ZNHIT6: variants seen among roughly 807,000 people sequenced by gnomAD.
ZNHIT6 encodes zinc finger HIT-type containing 6, also known as box C/D snoRNA protein 1.
Under a neutral mutation model 57.2 loss-of-function variants are expected in ZNHIT6, and 45 were observed. That is an observed-to-expected ratio of 0.79 (90% CI 0.62 to 1.01). The LOEUF is 1.01. Among genes scored for constraint, ZNHIT6 ranks in the 50% least tolerant of loss-of-function variants. The pLI is 0.00. For missense variants in ZNHIT6, 528 were observed against 567.3 expected, an observed-to-expected ratio of 0.93 and a Z score of 0.70; for synonymous variants, 188 against 190.0, an observed-to-expected ratio of 0.99 and a Z score of 0.09.
At chr1:85,702,282 A>C (rs375237942) in intron 4 of ZNHIT6, 22 bp from the exon 5 acceptor site, 4 of 1,377,408 alleles carry the variant, frequency 2.9e-6, no homozygotes, top group Non-Finnish European at 4.0e-6. Context: ...AACCAAACAG[A>C]CAAATTAATT....
chr1:85,679,353 A>T (rs1661795815), intron 6 of ZNHIT6, among the ~76,000 whole-genome samples: 1 of 152,152 alleles, frequency 6.6e-6, no homozygotes, highest in African/African-American at 2.4e-5. Context: ...ACATATTCAT[A>T]TATACTATTG....
intron 5 of ZNHIT6, among the ~76,000 whole-genome samples, chr1:85,681,988 T>C (rs1428972192): frequency 6.7e-6 from 1 of 149,982 alleles, no homozygotes. Flanking sequence ...TTTTTTTTTT[T>C]AATAAGAAAT....
intron 8 of ZNHIT6, among the ~76,000 whole-genome samples, chr1:85,669,294 A>G (rs1661481508): frequency 6.6e-6 from 1 of 152,142 alleles, no homozygotes; most frequent in Admixed American, 6.5e-5. Flanking sequence ...CAATTTCTCA[A>G]AAAGGAGATA....
chr1:85,678,917 CAAAAT>C (rs913455797), intron 6 of ZNHIT6, 136 bp from the exon 7 acceptor site: 4 of 482,832 alleles, frequency 8.3e-6, no homozygotes, highest in Non-Finnish European at 1.4e-5. Flanking sequence ...TTACTCTTGG[CAAAAT>C]AAAATATCAT....
chr1:85,706,463 C>T lies in ZNHIT6; in HGVS notation c.701G>A (p.Arg234His), dbSNP rs375057614. ...ATACCTGCAGGAATATCGCATACAA[C>T]GTGGACATCTGTACTTTGCTTCTTC... ...GTEEAKYRCP[R>H]CMRYSCSLPC... The change falls in exon 2 of 10, where the codon CGT becomes CAT. Residue 234 changes from arginine to histidine, a missense_variant. Physicochemically the swap from Arg to His is conservative, Grantham distance 29. Coordinates refer to ENST00000370574, the MANE Select transcript of ZNHIT6 (RefSeq NM_017953.4). 9.5e-5 allele frequency: 153 copies of T among 1,608,754 alleles called. No homozygotes were observed. The highest frequency in any genetic ancestry group is 1.2e-4 in the Non-Finnish European group (142 of 1,178,946).
At chr1:85,655,338 G>A (rs575954762) in intron 9 of ZNHIT6, among the ~76,000 whole-genome samples, 1 of 152,160 alleles carries the variant, frequency 6.6e-6, no homozygotes, top group Non-Finnish European at 1.5e-5. Context: ...GGAAAGGTGA[G>A]CGAGGGAGAA....
chr1:85,680,352 T>C (rs1172238782), intron 6 of ZNHIT6, among the ~76,000 whole-genome samples: 2 of 152,234 alleles, frequency 1.3e-5, no homozygotes, highest in East Asian at 3.8e-4. Flanking sequence ...ATAATGTTAA[T>C]AGTAGTAATC....
chr1:85,705,267 G>A (rs1278454649), intron 4 of ZNHIT6, among the ~76,000 whole-genome samples: 1 of 151,872 alleles, frequency 6.6e-6, no homozygotes, highest in Non-Finnish European at 1.5e-5. Flanking sequence ...AGGCTGGAGT[G>A]TAGTGGCGCA....
chr1:85,683,161 G>A (rs1661926332), intron 5 of ZNHIT6, among the ~76,000 whole-genome samples: 1 of 152,174 alleles, frequency 6.6e-6, no homozygotes, highest in South Asian at 2.1e-4. Context: ...AGGCTGCAGT[G>A]AACTGCGACT....
chr1:85,686,250 C>T (rs527417563), intron 5 of ZNHIT6, among the ~76,000 whole-genome samples: 43 of 152,218 alleles, frequency 2.8e-4, no homozygotes, highest in African/African-American at 8.9e-4. Context: ...TGTGAGCCAC[C>T]GCACCCACCC....
intron 5 of ZNHIT6, among the ~76,000 whole-genome samples, chr1:85,696,896 T>C (rs1338574519): frequency 1.4e-5 from 2 of 146,456 alleles, no homozygotes; most frequent in Non-Finnish European, 3.0e-5. Flanking sequence ...TCTGTCTCCC[T>C]GGCTGGAGTG....
At chr1:85,702,774 T>A (rs1226462384) in intron 4 of ZNHIT6, among the ~76,000 whole-genome samples, 1 of 152,178 alleles carries the variant, frequency 6.6e-6, no homozygotes, top group Non-Finnish European at 1.5e-5. Context: ...ACCACTGTTG[T>A]GGGAAGCACA....
intron 8 of ZNHIT6, among the ~76,000 whole-genome samples, chr1:85,671,017 ATGTTGAGC>A (rs1570297574): frequency 6.6e-6 from 1 of 152,244 alleles, no homozygotes; most frequent in Non-Finnish European, 1.5e-5. Context: ...AAATCTAGAC[ATGTTGAGC>A]TTAAGATTTA....
rs901761294 is a variant in ZNHIT6, at chr1:85,650,234, T to C, written c.*3824A>G. The C allele has an allele frequency of 6.6e-6, 1 of 152,246 alleles. No individual in the cohort carries two copies. The highest frequency in any genetic ancestry group is 1.5e-5 in the Non-Finnish European group (1 of 68,052). 9.4% of individuals were successfully genotyped at this position (152,246 alleles called of 1,614,324 possible). Reference sequence around the variant, plus strand: ...TTTATAAAAGCTTTCAGCCTTGTTATGCTAAGGTAAGCTGAAAATGTCAAT... The same window carrying C: ...TTTATAAAAGCTTTCAGCCTTGTTACGCTAAGGTAAGCTGAAAATGTCAAT... On this transcript the variant is annotated 3_prime_UTR_variant, in exon 10 of 10. Transcript: ENST00000370574.
At chr1:85,675,282 C>A (rs1661670463) in intron 8 of ZNHIT6, among the ~76,000 whole-genome samples, 1 of 152,178 alleles carries the variant, frequency 6.6e-6, no homozygotes, top group African/African-American at 2.4e-5. Flanking sequence ...ACTCACATGA[C>A]CTAGCTCTAG....
At chr1:85,671,448 C>T (rs1021354896) in intron 8 of ZNHIT6, among the ~76,000 whole-genome samples, 11 of 151,944 alleles carry the variant, frequency 7.2e-5, no homozygotes, top group African/African-American at 2.7e-4. Flanking sequence ...CAGTAAGACC[C>T]TGTCTCTTAA....
At chr1:85,680,071 T>C (rs1459988916) in intron 6 of ZNHIT6, among the ~76,000 whole-genome samples, 1 of 151,782 alleles carries the variant, frequency 6.6e-6, no homozygotes, top group Non-Finnish European at 1.5e-5. Flanking sequence ...CTGGGCGTGA[T>C]GGCCTGAGCC....
chr1:85,685,393 T>C (rs1312099919), intron 5 of ZNHIT6, among the ~76,000 whole-genome samples: 1 of 152,094 alleles, frequency 6.6e-6, no homozygotes, highest in Non-Finnish European at 1.5e-5. Flanking sequence ...TGTAGAAAAA[T>C]GTGCATGTTG....
intron 5 of ZNHIT6, among the ~76,000 whole-genome samples, chr1:85,693,326 G>A (rs1382801958): frequency 1.3e-5 from 2 of 152,118 alleles, no homozygotes; most frequent in Non-Finnish European, 2.9e-5. Flanking sequence ...AAGAAAAAAA[G>A]GAAGCTTACA....
Sources: allele counts gnomAD v4.1 joint callset (sites outside exome capture counted in the v4.1 genomes callset), GRCh38; gene constraint gnomAD v4.1.1; transcripts MANE v1.5; gene names NCBI Gene and HGNC (gene_info 2026-07-23, HGNC 2026-07-21).